The following ADCY2 variants were observed in gnomAD, a reference collection of about 807,000 sequenced individuals.
ADCY2 encodes the protein adenylate cyclase 2, also known as adenylate cyclase type 2.
Under a neutral mutation model 125.2 loss-of-function variants are expected in ADCY2, and 31 were observed. The ratio of observed to expected loss-of-function variants is 0.25; its 90% CI spans 0.19 to 0.33. ADCY2 has a LOEUF of 0.33. Among genes scored for constraint, ADCY2 ranks in the 10% least tolerant of loss-of-function variants. The probability of loss-of-function intolerance (pLI) is 1.00; values close to 1 mark genes in which losing one functional copy is unlikely to be tolerated. For missense variants in ADCY2, 904 were observed against 1,418.2 expected, an observed-to-expected ratio of 0.64 and a Z score of 5.82; for synonymous variants, 512 against 548.4, an observed-to-expected ratio of 0.93 and a Z score of 0.93.
chr5:7,820,460 C>T (rs982845009), intron 23 of ADCY2, 105 bp from the exon 24 acceptor site: 9 of 1,436,068 alleles, frequency 6.3e-6, no homozygotes, highest in South Asian at 1.3e-5. Context: ...CGCCACTGCA[C>T]TCCAGCCTGG....
intron 2 of ADCY2, among the ~76,000 whole-genome samples, chr5:7,473,258 A>G (rs533866700): frequency 6.6e-6 from 1 of 152,188 alleles, no homozygotes; most frequent in Non-Finnish European, 1.5e-5. Flanking sequence ...ATGCACAAGA[A>G]GCATGGCACC....
chr5:7,475,252 C>T (rs1452635265), intron 2 of ADCY2, among the ~76,000 whole-genome samples: 1 of 152,190 alleles, frequency 6.6e-6, no homozygotes, highest in Non-Finnish European at 1.5e-5. Context: ...CCCAAGTGGG[C>T]AGCCCTGAAG....
chr5:7,761,821 A>G (rs1743227570), intron 16 of ADCY2, among the ~76,000 whole-genome samples: 2 of 152,184 alleles, frequency 1.3e-5, no homozygotes, highest in Non-Finnish European at 2.9e-5. Flanking sequence ...TGACAAGCTG[A>G]TCATTTAGGA....
intron 17 of ADCY2, among the ~76,000 whole-genome samples, chr5:7,772,084 C>T (rs1743573344): frequency 6.6e-6 from 1 of 152,164 alleles, no homozygotes; most frequent in Non-Finnish European, 1.5e-5. Flanking sequence ...TTTCAATGAC[C>T]TACAAGGAGA....
At chr5:7,537,033 A>T (rs1734838301) in intron 3 of ADCY2, among the ~76,000 whole-genome samples, 1 of 152,232 alleles carries the variant, frequency 6.6e-6, no homozygotes, top group Non-Finnish European at 1.5e-5. Flanking sequence ...TGTATATCCT[A>T]TAGAAATAAA....
In ADCY2 at chr5:7,589,538, G is replaced by GAAAA. The variant is rs1561112753; in HGVS notation, c.571-36629_571-36628insAAAA. On this transcript the variant is annotated intron_variant, in intron 3 of 24. Transcript: ENST00000338316. ...AAGAAAAGAAAGAGAAAGAAAGAAAGGAGGGAGGGAAGGAGGAAGGAAGGA... is the reference window on the plus strand; with the variant it reads ...AAGAAAAGAAAGAGAAAGAAAGAAAGAAAAGAGGGAGGGAAGGAGGAAGGAAGGA... Among the ~76,000 whole-genome samples, 10 of 136,848 alleles carry GAAAA rather than the reference G, an allele frequency of 7.3e-5. No individual in the cohort carries two copies. In the East Asian group the frequency reaches 1.7e-3, roughly 23 times the overall value. 89.8% of individuals were successfully genotyped at this position (136,848 alleles called of 152,430 possible). A position where few individuals can be genotyped will look rare whatever the true frequency, so the allele number is the denominator to read the frequency against.
intron 11 of ADCY2, among the ~76,000 whole-genome samples, chr5:7,716,198 A>T (rs1390861943): frequency 1.3e-5 from 2 of 152,208 alleles, no homozygotes; most frequent in Non-Finnish European, 2.9e-5. Flanking sequence ...GTTTGCAAAT[A>T]AAAGTGGAGT....
intron 7 of ADCY2, among the ~76,000 whole-genome samples, chr5:7,700,697 A>AC (rs1741048805): frequency 8.7e-5 from 1 of 11,520 alleles, no homozygotes; most frequent in African/African-American, 2.8e-4. Context: ...TAATGCCCCC[A>AC]CCCCCCACCC....
At chr5:7,432,612 G>A (rs979832336) in intron 2 of ADCY2, among the ~76,000 whole-genome samples, 4 of 152,200 alleles carry the variant, frequency 2.6e-5, no homozygotes, top group African/African-American at 2.4e-5. Flanking sequence ...CAGTTCCAAC[G>A]CCCACACTTC....
intron 20 of ADCY2, chr5:7,799,975 G>A (rs1387139583): frequency 2.6e-5 from 4 of 152,254 alleles, no homozygotes; most frequent in African/African-American, 9.7e-5. Flanking sequence ...CAAAGGTAAA[G>A]TGACAGGACC....
intron 18 of ADCY2, among the ~76,000 whole-genome samples, chr5:7,774,476 TAA>T: frequency 6.6e-6 from 1 of 152,350 alleles, no homozygotes. Context: ...ATAACGCTAC[TAA>T]GTTTCCTTTT....
chr5:7,660,239 AGAAGGAAGGAAGGAAGGAAGGAAGGAAG>A (rs59646942), intron 4 of ADCY2, among the ~76,000 whole-genome samples: 4 of 101,268 alleles, frequency 3.9e-5, no homozygotes, highest in African/African-American at 1.6e-4. Flanking sequence ...AGGGAGGGAG[AGAAGGAAGGAAGGAAGGAAGGAAGGAAG>A]GAAGGAAGGA....
At chr5:7,755,141 C>T (rs764301876) in intron 15 of ADCY2, among the ~76,000 whole-genome samples, 18 of 152,192 alleles carry the variant, frequency 1.2e-4, no homozygotes, top group Non-Finnish European at 2.5e-4. Flanking sequence ...AGATCTGGTT[C>T]TTCTGTTGCC....
chr5:7,814,921 T>C (rs1262089501), intron 22 of ADCY2, among the ~76,000 whole-genome samples: 1 of 152,056 alleles, frequency 6.6e-6, no homozygotes, highest in Non-Finnish European at 1.5e-5. Flanking sequence ...CTCTCAGCTG[T>C]TTTCCAGCGT....
chr5:7,754,812 G>A (rs1360358380), intron 15 of ADCY2, among the ~76,000 whole-genome samples: 2 of 151,744 alleles, frequency 1.3e-5, no homozygotes, highest in East Asian at 1.9e-4. Context: ...AGCAGAGATC[G>A]TGCCATTGAA....
At chr5:7,485,985 A>C (rs575920516) in intron 2 of ADCY2, among the ~76,000 whole-genome samples, 1 of 152,316 alleles carries the variant, frequency 6.6e-6, no homozygotes, top group South Asian at 2.1e-4. Context: ...TTTTATGAGG[A>C]TAAAGTAATA....
At chr5:7,510,931 G>A (rs1744032054) in intron 2 of ADCY2, among the ~76,000 whole-genome samples, 1 of 152,202 alleles carries the variant, frequency 6.6e-6, no homozygotes, top group South Asian at 2.1e-4. Flanking sequence ...TGCCATCGAG[G>A]TGCTGCCTGA....
At position 7,549,806 on chromosome 5, in the gene ADCY2, G is replaced by T. The variant is rs140992017; in HGVS notation, c.570+28907G>T. 2.4e-3 allele frequency among the ~76,000 whole-genome samples: 373 copies of T among 152,284 alleles called. 2 individuals carry two copies. Among genetic ancestry groups the T allele is most frequent in the African/African-American group, 8.5e-3 (355 of 41,564 alleles). On this transcript the variant is annotated intron_variant, in intron 3 of 24. Coordinates refer to ENST00000338316, the MANE Select transcript of ADCY2 (RefSeq NM_020546.3). ...AGGCCAGGCAGCGTGTGAGTGGTGG[G>T]ATGTAGCCCTAGGTCGTACCCGGAA...
chr5:7,668,072 A>G (rs1344250141), intron 4 of ADCY2, among the ~76,000 whole-genome samples: 1 of 152,242 alleles, frequency 6.6e-6, no homozygotes, highest in Non-Finnish European at 1.5e-5. Context: ...TATTTTTTCT[A>G]CAAAGTATGT....
Sources: gnomAD v4.1 joint callset for allele counts (sites outside exome capture counted in the v4.1 genomes callset) on GRCh38, gnomAD v4.1.1 for gene constraint, MANE v1.5 for transcripts, NCBI Gene and HGNC (gene_info 2026-07-23, HGNC 2026-07-21) for gene names.